ZNF70: variants seen among roughly 807,000 people sequenced by gnomAD.
The protein encoded by ZNF70 is zinc finger protein 70.
Under a neutral mutation model 37.7 loss-of-function variants are expected in ZNF70, and 18 were observed. The ratio of observed to expected loss-of-function variants is 0.48; its 90% CI spans 0.33 to 0.71. The LOEUF (loss-of-function observed/expected upper bound fraction) is 0.71, where lower values mean the gene tolerates loss of function less well. Among genes scored for constraint, ZNF70 ranks in the 30% least tolerant of loss-of-function variants. ZNF70 has a pLI of 0.02. For missense variants in ZNF70, 506 were observed against 568.6 expected (o/e 0.89, Z 1.12); for synonymous variants, 219 against 220.1 (o/e 0.99, Z 0.05).
chr22:23,743,783 T>G lies in ZNF70; in HGVS notation c.*17A>C, dbSNP rs1256870433. 3 of 1,602,472 alleles carry G rather than the reference T, an allele frequency of 1.9e-6. No individual in the cohort carries two copies. Among genetic ancestry groups the G allele is most frequent in the African/African-American group, 1.3e-5 (1 of 74,234 alleles). On this transcript the variant is annotated 3_prime_UTR_variant, in exon 2 of 2. Transcript: ENST00000341976. ...CCATCTGGCACAGGCTTTCAAGCTT[T>G]GTGTGGGCTCCTCTTTCTATAGCTT...
rs892115789 is a variant in ZNF70, at chr22:23,738,983, C to T, written c.*4817G>A. ...TTCGATCCCTAGGGGTCTGCAACTCCTAAACCCCTACATGCTAAAGACTCC... is the reference window on the plus strand; with the variant it reads ...TTCGATCCCTAGGGGTCTGCAACTCTTAAACCCCTACATGCTAAAGACTCC... On this transcript the variant is annotated 3_prime_UTR_variant, in exon 2 of 2. Transcript: ENST00000341976. The T allele has an allele frequency of 2.0e-5, 3 of 152,116 alleles. No homozygotes were observed. Among genetic ancestry groups the T allele is most frequent in the African/African-American group, 7.2e-5 (3 of 41,422 alleles). The allele number at this position is 152,116 out of a possible 1,614,324, so 9.4% of individuals were successfully genotyped here.
chr22:23,748,538 C>A (rs577676067), intron 1 of ZNF70, among the ~76,000 whole-genome samples: 158 of 149,776 alleles, frequency 1.1e-3, no homozygotes, highest in East Asian at 4.9e-3. Flanking sequence ...CCATGCCCAG[C>A]AGAAATGATT....
chr22:23,749,348 CAAAAAAAAAAAAAAAAAA>C (rs757866335), intron 1 of ZNF70, among the ~76,000 whole-genome samples: 609 of 14,372 alleles, frequency 0.042, 15 homozygotes, highest in African/African-American at 0.13. Flanking sequence ...GACTCCATCT[CAAAAAAAAAAAAAAAAAA>C]AAAAAAAAAA....
chr22:23,744,593 A>C lies in ZNF70; in HGVS notation c.548T>G (p.Leu183Arg), dbSNP rs748293168. The C allele has an allele frequency of 5.0e-6, 8 of 1,613,574 alleles. No individual in the cohort carries two copies. The highest frequency in any genetic ancestry group is 6.8e-6 in the Non-Finnish European group (8 of 1,179,834). ...CGKAFSQSSH[L>R]LRHQIIHTGE... is the part of the protein sequence containing the mutation. ...GGTGTGGATGATCTGGTGCCTGAGCAGGTGGGAGCTCTGGCTGAAGGCCTT... is the reference window on the plus strand; with the variant it reads ...GGTGTGGATGATCTGGTGCCTGAGCCGGTGGGAGCTCTGGCTGAAGGCCTT... The change falls in exon 2 of 2, where the codon CTG (leucine) becomes CGG (arginine). Residue 183 changes from leucine to arginine, a missense_variant. Transcript: ENST00000341976.
chr22:23,748,194 A>G, intron 1 of ZNF70, among the ~76,000 whole-genome samples: 1 of 152,066 alleles, frequency 6.6e-6, no homozygotes, highest in East Asian at 1.9e-4. Context: ...AAAAAAAAAA[A>G]AACTAAATTA....
rs930670173 is a variant in ZNF70, at chr22:23,745,280, T to C, written c.-79-61A>G. 8.5e-6 allele frequency: 7 copies of C among 822,884 alleles called. No homozygotes were observed. The African/African-American group carries it at 1.0e-4, about 12-fold the overall frequency. The allele number at this position is 822,884 out of a possible 1,614,324, so 51.0% of individuals were successfully genotyped here. Reference sequence around the variant, plus strand: ...AGTCAAGCAGCTCATATGTGCCTGCTTCATATCCTAGAATCTATGGTAGAA... The same window carrying C: ...AGTCAAGCAGCTCATATGTGCCTGCCTCATATCCTAGAATCTATGGTAGAA... On this transcript the variant is annotated intron_variant, in intron 1 of 1. Coordinates refer to ENST00000341976, the MANE Select transcript of ZNF70 (RefSeq NM_021916.4).
rs774919649 is a variant in ZNF70 at position 23,744,820 on chromosome 22, G to A, written c.321C>T (p.Ile107=). 1.9e-6 allele frequency: 3 copies of A among 1,614,092 alleles called. No homozygotes were observed. The African/African-American group carries it at 4.0e-5, about 22-fold the overall frequency. Reference sequence around the variant, plus strand: ...CGCATGGACTGGGCTCTTCACTGTGGATTATCTGACACATGCTGAGGTCGG... The same window carrying A: ...CGCATGGACTGGGCTCTTCACTGTGAATTATCTGACACATGCTGAGGTCGG... ...QKSDLSMCQI[I]HSEEPSPCDC... Residue 107 remains isoleucine (I), a synonymous_variant, in exon 2 of 2, where the codon ATC becomes ATT. Transcript: ENST00000341976.
rs1196645404 is a variant in ZNF70 at position 23,740,420 on chromosome 22, T to C, written c.*3380A>G. 6.6e-6 allele frequency: 1 copy of C among 151,956 alleles called. No individual in the cohort carries two copies. The highest frequency in any genetic ancestry group is 2.4e-5 in the African/African-American group (1 of 41,368). The allele number at this position is 151,956 out of a possible 1,614,324, so 9.4% of individuals were successfully genotyped here. On this transcript the variant is annotated 3_prime_UTR_variant, in exon 2 of 2. Transcript: ENST00000341976. The stretch of plus-strand genomic sequence containing the variant: ...TTGCCAGGGATGATCTTTTATAACT[T>C]TACACTGTTTGAGAATCTAAATAGA...
Position 23,744,227 on chromosome 22 carries a change from T to C in ZNF70, c.914A>G (p.Lys305Arg). 1 of 1,613,718 alleles carries C rather than the reference T, an allele frequency of 6.2e-7. No individual in the cohort carries two copies. The highest frequency in any genetic ancestry group is 8.5e-7 in the Non-Finnish European group (1 of 1,179,914). Reference protein sequence around the residue: ...LIRHQRIHTGKKPYKCDECGK... With the variant: ...LIRHQRIHTGRKPYKCDECGK... ...GCACTCATCGCATTTGTATGGTTTC[T>C]TCCCAGTGTGGATCCGCTGGTGTCG... The change falls in exon 2 of 2, where the codon AAG (lysine) becomes AGG (arginine). Residue 305 changes from lysine to arginine, a missense_variant. Physicochemically the swap from Lys to Arg is conservative, Grantham distance 26. Coordinates refer to ENST00000341976, the MANE Select transcript of ZNF70 (RefSeq NM_021916.4).
chr22:23,745,714 T>C (rs1925098104), intron 1 of ZNF70, among the ~76,000 whole-genome samples: 2 of 152,040 alleles, frequency 1.3e-5, no homozygotes, highest in South Asian at 4.1e-4. Flanking sequence ...GAGATTGCAG[T>C]GAGCGGAGAT....
rs1376909100 is a variant in ZNF70 at position 23,738,743 on chromosome 22, T to C, written c.*5057A>G. ...ACCCTGCCTATTTCTCAAAAATGAC[T>C]TGAGAAAAACTGCACAACATAGCGA... On this transcript the variant is annotated 3_prime_UTR_variant, in exon 2 of 2. Transcript: ENST00000341976. 6.6e-6 allele frequency: 1 copy of C among 152,166 alleles called. No individual in the cohort carries two copies. The highest frequency in any genetic ancestry group is 1.5e-5 in the Non-Finnish European group (1 of 68,040). The allele number at this position is 152,166 out of a possible 1,614,324, so 9.4% of individuals were successfully genotyped here. A position where few individuals can be genotyped will look rare whatever the true frequency, so the allele number is the denominator to read the frequency against.
intron 1 of ZNF70, 117 bp from the exon 2 acceptor site, chr22:23,745,336 C>A: frequency 1.6e-6 from 1 of 632,866 alleles, no homozygotes; most frequent in South Asian, 2.1e-5. Context: ...CACAATCTTG[C>A]CCTTAAGATG....
Position 23,743,685 on chromosome 22 carries a change from G to T in ZNF70, c.*115C>A. On this transcript the variant is annotated 3_prime_UTR_variant, in exon 2 of 2. Transcript: ENST00000341976. ...CTAGTGGGATGTTCAAGAGCGCTTAGGTGGGAAGGTTTCCATTCAGCATCA... is the reference window on the plus strand; with the variant it reads ...CTAGTGGGATGTTCAAGAGCGCTTATGTGGGAAGGTTTCCATTCAGCATCA... 1 of 1,419,456 alleles carries T rather than the reference G, an allele frequency of 7.0e-7. No homozygotes were observed. Among genetic ancestry groups the T allele is most frequent in the African/African-American group, 1.4e-5 (1 of 69,830 alleles). The allele number at this position is 1,419,456 out of a possible 1,614,324, so 87.9% of individuals were successfully genotyped here. A position where few individuals can be genotyped will look rare whatever the true frequency, so the allele number is the denominator to read the frequency against.
intron 1 of ZNF70, among the ~76,000 whole-genome samples, chr22:23,749,001 C>T (rs955973350): frequency 6.6e-6 from 1 of 152,030 alleles, no homozygotes; most frequent in Non-Finnish European, 1.5e-5. Flanking sequence ...AAGTGATTCT[C>T]CTATCTCAGC....
intron 1 of ZNF70, among the ~76,000 whole-genome samples, chr22:23,746,213 T>A (rs994700035): frequency 1.7e-4 from 26 of 148,998 alleles, no homozygotes; most frequent in African/African-American, 5.9e-4. Context: ...TTTTTTTTTT[T>A]TTTTTTTTTT....
At position 23,744,644 on chromosome 22, in the gene ZNF70, T is replaced by A. The variant is rs1386923950; in HGVS notation, c.497A>T (p.Lys166Met). ...LRHLVIHTGEKPYECCECGKA... is the reference protein window; with the variant it reads ...LRHLVIHTGEMPYECCECGKA... Reference sequence around the variant, plus strand: ...CCCGCACTCACAGCACTCATAGGGCTTCTCCCCAGTGTGGATCACCAGGTG... The same window carrying A: ...CCCGCACTCACAGCACTCATAGGGCATCTCCCCAGTGTGGATCACCAGGTG... Residue 166 changes from lysine (K) to methionine (M), a missense_variant, in exon 2 of 2, where the codon AAG becomes ATG. By Grantham distance (95) the Lys-to-Met change is moderately conservative. Coordinates refer to ENST00000341976, the MANE Select transcript of ZNF70 (RefSeq NM_021916.4). 6.2e-7 allele frequency: 1 copy of A among 1,613,766 alleles called. No individual in the cohort carries two copies.
chr22:23,742,745 C>G lies in ZNF70; in HGVS notation c.*1055G>C, dbSNP rs1924919674. Reference sequence around the variant, plus strand: ...TTCTGAATGACAGCCTGGCACCAACCCTTAGAGGCACGTGGCCAGTTCCCA... The same window carrying G: ...TTCTGAATGACAGCCTGGCACCAACGCTTAGAGGCACGTGGCCAGTTCCCA... On this transcript the variant is annotated 3_prime_UTR_variant, in exon 2 of 2. Transcript: ENST00000341976. 2 of 152,252 alleles carry G rather than the reference C, an allele frequency of 1.3e-5. No individual in the cohort carries two copies. The highest frequency in any genetic ancestry group is 1.3e-4 in the Admixed American group (2 of 15,274). 9.4% of individuals were successfully genotyped at this position (152,252 alleles called of 1,614,324 possible).
rs1924962578 is a variant in ZNF70 at position 23,743,743 on chromosome 22, C to T, written c.*57G>A. 4.5e-6 allele frequency: 7 copies of T among 1,557,680 alleles called. No homozygotes were observed. In the East Asian group the frequency reaches 9.0e-5, roughly 20 times the overall value. On this transcript the variant is annotated 3_prime_UTR_variant, in exon 2 of 2. Coordinates refer to ENST00000341976, the MANE Select transcript of ZNF70 (RefSeq NM_021916.4). The stretch of plus-strand genomic sequence containing the variant: ...AGGTGGGGTCTTGGAGACCACGCGA[C>T]GTGGAATAAAGGCTCCATCTGGCAC...
intron 1 of ZNF70, among the ~76,000 whole-genome samples, chr22:23,745,499 G>A (rs367644416): frequency 6.6e-6 from 1 of 152,096 alleles, no homozygotes; most frequent in Non-Finnish European, 1.5e-5. Flanking sequence ...GCTGGGTGCG[G>A]TGGCTCACAC....
Sources: gnomAD v4.1 joint callset for allele counts (sites outside exome capture counted in the v4.1 genomes callset) on GRCh38, gnomAD v4.1.1 for gene constraint, MANE v1.5 for transcripts, NCBI Gene and HGNC (gene_info 2026-07-23, HGNC 2026-07-21) for gene names.